The following PDE3A variants were observed in gnomAD, a reference collection of about 807,000 sequenced individuals.
PDE3A encodes cGMP-inhibited 3',5'-cyclic phosphodiesterase 3A.
Under a neutral mutation model 98.3 loss-of-function variants are expected in PDE3A, and 43 were observed. That is an observed-to-expected ratio of 0.44 (90% CI 0.34 to 0.56). PDE3A has a LOEUF of 0.56. Ranked by LOEUF, PDE3A falls within the 20% of genes least tolerant of loss-of-function variation. The pLI, the probability that PDE3A is intolerant of heterozygous loss-of-function variation, is 0.01. For missense variants in PDE3A, 1,427 were observed against 1,440.7 expected (o/e 0.99, Z 0.15); for synonymous variants, 663 against 567.9 (o/e 1.17, Z -2.38).
intron 15 of PDE3A, among the ~76,000 whole-genome samples, chr12:20,667,953 G>C (rs973690398): frequency 6.6e-6 from 1 of 152,176 alleles, no homozygotes; most frequent in African/African-American, 2.4e-5. Flanking sequence ...CATCTCTCTA[G>C]GGAGTGCGAG....
intron 1 of PDE3A, among the ~76,000 whole-genome samples, chr12:20,440,037 T>C (rs1944844296): frequency 6.6e-6 from 1 of 152,170 alleles, no homozygotes; most frequent in Non-Finnish European, 1.5e-5. Context: ...TTGTTTTTAT[T>C]TGGGTACTGT....
intron 1 of PDE3A, among the ~76,000 whole-genome samples, chr12:20,475,418 T>A (rs1029455903): frequency 3.9e-5 from 6 of 152,040 alleles, no homozygotes; most frequent in African/African-American, 1.4e-4. Context: ...TTCGCCTAAT[T>A]ATATGATTCA....
At chr12:20,672,980 A>G (rs1945529027) in intron 15 of PDE3A, among the ~76,000 whole-genome samples, 1 of 151,400 alleles carries the variant, frequency 6.6e-6, no homozygotes, top group East Asian at 1.9e-4. Context: ...CAGAATCTAC[A>G]ATGAACTCAT....
chr12:20,612,283 G>T (rs770680076), intron 2 of PDE3A, among the ~76,000 whole-genome samples: 1 of 151,060 alleles, frequency 6.6e-6, no homozygotes, highest in Non-Finnish European at 1.5e-5. Context: ...CATTTTGTTT[G>T]AATTGCCTAT....
At chr12:20,575,279 A>G (rs375189292) in intron 2 of PDE3A, among the ~76,000 whole-genome samples, 41 of 152,178 alleles carry the variant, frequency 2.7e-4, no homozygotes, top group African/African-American at 9.6e-4. Flanking sequence ...ACAAAATGTT[A>G]CTTAAGTAAA....
intron 3 of PDE3A, among the ~76,000 whole-genome samples, chr12:20,615,882 C>T (rs111603250): frequency 0.042 from 6,365 of 152,164 alleles, 193 homozygotes; most frequent in South Asian, 0.067. Flanking sequence ...CCCACCACCA[C>T]GCCCAGCTAA....
At chr12:20,539,541 G>A (rs1941841634) in intron 1 of PDE3A, among the ~76,000 whole-genome samples, 1 of 152,100 alleles carries the variant, frequency 6.6e-6, no homozygotes, top group Admixed American at 6.5e-5. Context: ...GAGAAGATGA[G>A]GGTAAGACTG....
At chr12:20,535,821 A>C (rs1941735080) in intron 1 of PDE3A, among the ~76,000 whole-genome samples, 1 of 152,172 alleles carries the variant, frequency 6.6e-6, no homozygotes, top group Non-Finnish European at 1.5e-5. Flanking sequence ...TATTTGGAGA[A>C]TTATTCGATT....
chr12:20,373,287 G>T, intron 1 of PDE3A, among the ~76,000 whole-genome samples: 1 of 152,106 alleles, frequency 6.6e-6, no homozygotes, highest in South Asian at 2.1e-4. Flanking sequence ...GTCTGTTAAG[G>T]TGTGTGTATC....
intron 1 of PDE3A, among the ~76,000 whole-genome samples, chr12:20,468,587 A>G (rs982178554): frequency 6.6e-6 from 1 of 152,320 alleles, no homozygotes; most frequent in South Asian, 2.1e-4. Flanking sequence ...TTCAGGTTAC[A>G]CTGTGCTTCC....
chr12:20,646,340 A>G, intron 10 of PDE3A, 150 bp from the exon 11 acceptor site: 1 of 596,526 alleles, frequency 1.7e-6, no homozygotes, highest in South Asian at 2.2e-5. Flanking sequence ...ATGGAAGAGT[A>G]ATCAAATAAT....
Position 20,369,956 on chromosome 12 carries a change from G to A in PDE3A, c.672G>A (p.Val224=). The change falls in exon 1 of 16, where the codon GTG becomes GTA. Residue 224 remains valine, a synonymous_variant. Transcript: ENST00000359062. ...MIALTSAVRT[V]SLISLERFKV... ...CCTTGACTAGCGCGGTCAGGACCGT[G>A]TCCCTCATTTCCTTAGAGAGGTTCA... is the stretch of plus-strand genomic sequence containing the variant. 6.2e-7 allele frequency: 1 copy of A among 1,613,458 alleles called. No homozygotes were observed. The highest frequency in any genetic ancestry group is 8.5e-7 in the Non-Finnish European group (1 of 1,180,004).
chr12:20,505,588 C>T (rs916758503), intron 1 of PDE3A, among the ~76,000 whole-genome samples: 2 of 151,980 alleles, frequency 1.3e-5, no homozygotes, highest in African/African-American at 4.8e-5. Context: ...AAAATCATAC[C>T]TAGCACTGCC....
At chr12:20,390,980 G>A (rs1943902908) in intron 1 of PDE3A, among the ~76,000 whole-genome samples, 1 of 151,792 alleles carries the variant, frequency 6.6e-6, no homozygotes, top group Non-Finnish European at 1.5e-5. Context: ...GAATCCTACC[G>A]ATGAAAGATA....
At chr12:20,661,738 A>G (rs932777030) in intron 15 of PDE3A, among the ~76,000 whole-genome samples, 2 of 152,194 alleles carry the variant, frequency 1.3e-5, no homozygotes, top group Admixed American at 1.3e-4. Context: ...ACCTCTGCCT[A>G]TATTTCAGAG....
chr12:20,369,866 GC>G lies in PDE3A; in HGVS notation c.583del (p.Leu195SerfsTer12). ...TCTCACTCCCCGCCGCGGGGGTGGT[GC>G]TCAGCTGCTTGGCCGCCGCGACATG... is the stretch of plus-strand genomic sequence containing the variant. ...LLSLPAAGVV[L>X]SCLAAATWLV... On this transcript the variant is annotated frameshift_variant, in exon 1 of 16. Coordinates refer to ENST00000359062, the MANE Select transcript of PDE3A (RefSeq NM_000921.5). LOFTEE classifies it high-confidence loss of function. The G allele has an allele frequency of 6.2e-7, 1 of 1,612,780 alleles. No individual in the cohort carries two copies.
intron 10 of PDE3A, 91 bp downstream of exon 10, chr12:20,640,048 A>G (rs1230716583): frequency 2.0e-5 from 13 of 647,282 alleles, no homozygotes; most frequent in Non-Finnish European, 3.4e-5. Context: ...CAGGTAGCAC[A>G]GAATTACACA....
At chr12:20,592,694 C>T (rs1015050535) in intron 2 of PDE3A, among the ~76,000 whole-genome samples, 1 of 152,130 alleles carries the variant, frequency 6.6e-6, no homozygotes, top group Non-Finnish European at 1.5e-5. Context: ...CCTTTATGTT[C>T]ATTGCTCATG....
chr12:20,637,691 C>T (rs1944551241), intron 9 of PDE3A, among the ~76,000 whole-genome samples: 1 of 152,074 alleles, frequency 6.6e-6, no homozygotes, highest in African/African-American at 2.4e-5. Context: ...GTGTTTCCTC[C>T]TAGTGTTATG....
Sources: gnomAD v4.1 joint callset for allele counts (sites outside exome capture counted in the v4.1 genomes callset) on GRCh38, gnomAD v4.1.1 for gene constraint, MANE v1.5 for transcripts, NCBI Gene and HGNC (gene_info 2026-07-23, HGNC 2026-07-21) for gene names.